Variants in ANKRD30B observed in about 807,000 individuals in gnomAD.
ANKRD30B encodes the protein ankyrin repeat domain 30B, also known as ankyrin repeat domain-containing protein 30B.
In ANKRD30B, 144 loss-of-function variants were observed where a neutral mutation model predicts 202.2. The observed-to-expected ratio is 0.71, with a 90% CI of 0.62 to 0.82. The LOEUF (loss-of-function observed/expected upper bound fraction) is 0.82. ANKRD30B is among the 40% of genes least tolerant of loss of function. ANKRD30B has a pLI of 0.00. For synonymous variants in ANKRD30B, 508 were observed against 561.3 expected (o/e 0.91, Z 1.34); for missense variants, 1,487 against 1,669.1 (o/e 0.89, Z 1.90).
At chr18:14,776,691 T>G (rs754024251) in intron 9 of ANKRD30B, among the ~76,000 whole-genome samples, 3 of 152,200 alleles carry the variant, frequency 2.0e-5, no homozygotes, top group Non-Finnish European at 2.9e-5. Flanking sequence ...ACGTTTTTAT[T>G]TTTCTCTTTT....
chr18:14,804,900 G>T (rs1162230327), intron 24 of ANKRD30B, among the ~76,000 whole-genome samples: 1 of 150,714 alleles, frequency 6.6e-6, no homozygotes, highest in Non-Finnish European at 1.5e-5. Flanking sequence ...TTTGGATTTT[G>T]TATGAAGGAA....
At position 14,827,080 on chromosome 18, in the gene ANKRD30B, G is replaced by C. The variant is rs565836224; in HGVS notation, c.2744-1198G>C. Among the ~76,000 whole-genome samples, 10 of 152,164 alleles carry C rather than the reference G, an allele frequency of 6.6e-5. No homozygotes were observed. The South Asian group carries it at 1.2e-3, about 19-fold the overall frequency. Reference sequence around the variant, plus strand: ...GGTAGGAGTTGTCATGTGGTGTTAGGCTACTAATTATTTCTTGCTGTCTGA... The same window carrying C: ...GGTAGGAGTTGTCATGTGGTGTTAGCCTACTAATTATTTCTTGCTGTCTGA... On this transcript the variant is annotated intron_variant, in intron 32 of 43. Coordinates refer to ENST00000690538, the MANE Select transcript of ANKRD30B (RefSeq NM_001367607.2).
Position 14,769,343 on chromosome 18 carries a change from T to C in ANKRD30B, c.1226T>C (p.Val409Ala). Residue 409 changes from valine to alanine, a missense_variant and splice_region_variant, in exon 8 of 44, where the codon GTG becomes GCG. By Grantham distance (64) the Val-to-Ala change is moderately conservative. Around this residue, in one of 6 missense-constraint regions of ANKRD30B, gnomAD observed 889 missense variants for 841.4 expected, o/e 1.06. Coordinates refer to ENST00000690538, the MANE Select transcript of ANKRD30B (RefSeq NM_001367607.2). The stretch of plus-strand genomic sequence containing the variant: ...GTATTTTACTTTTTTTCTTTAATAG[T>C]GGATGTGAGTTCTGTAGAGCCTATA... ...KETSTKASTNVDVSSVEPIFS... is the reference protein window; with the variant it reads ...KETSTKASTNADVSSVEPIFS... 3 of 1,540,764 alleles carry C rather than the reference T, an allele frequency of 1.9e-6. No homozygotes were observed. The highest frequency in any genetic ancestry group is 1.2e-5 in the South Asian group (1 of 82,646).
chr18:14,826,733 A>G (rs1970686232), intron 32 of ANKRD30B, among the ~76,000 whole-genome samples: 1 of 151,308 alleles, frequency 6.6e-6, no homozygotes, highest in Non-Finnish European at 1.5e-5. Flanking sequence ...ACACAAGTAC[A>G]GTAATTCATC....
chr18:14,920,990 G>T, the ANKRD30B span, among the ~76,000 whole-genome samples: 47 of 152,274 alleles, frequency 3.1e-4, 2 homozygotes, highest in East Asian at 8.9e-3. Flanking sequence ...TGACATTCTT[G>T]GCTCTGTGGA....
chr18:14,925,740 C>G, the ANKRD30B span, among the ~76,000 whole-genome samples: 7 of 152,158 alleles, frequency 4.6e-5, no homozygotes, highest in Non-Finnish European at 1.0e-4. Context: ...CCAGGTGTCT[C>G]AGTGCAGGAA....
At chr18:14,754,243 G>C (rs9676208) in intron 3 of ANKRD30B, among the ~76,000 whole-genome samples, 1,737 of 152,224 alleles carry the variant, frequency 0.011, 30 homozygotes, top group African/African-American at 0.04. Context: ...ATAGAATCAA[G>C]AGAGTTTGTA....
the ANKRD30B span, among the ~76,000 whole-genome samples, chr18:14,893,740 T>C: frequency 1.3e-5 from 2 of 151,832 alleles, no homozygotes; most frequent in East Asian, 3.9e-4. Flanking sequence ...TATAAGTTAA[T>C]TATACTTGGT....
chr18:14,819,080 A>T (rs370558238), intron 30 of ANKRD30B, among the ~76,000 whole-genome samples: 8 of 151,866 alleles, frequency 5.3e-5, no homozygotes, highest in Non-Finnish European at 1.0e-4. Flanking sequence ...GGTATCTCAT[A>T]GTGGTTTTGA....
chr18:14,831,166 C>T (rs1338038909), intron 33 of ANKRD30B, among the ~76,000 whole-genome samples: 2 of 107,966 alleles, frequency 1.9e-5, no homozygotes, highest in Admixed American at 2.4e-4. Flanking sequence ...GGCGACAGAG[C>T]GAGACTCCGT....
In ANKRD30B at chr18:14,782,619, G is replaced by A; in HGVS notation, c.1570+5G>A. 6.5e-7 allele frequency: 1 copy of A among 1,546,562 alleles called. No homozygotes were observed. The highest frequency in any genetic ancestry group is 8.7e-7 in the Non-Finnish European group (1 of 1,147,038). ...AGATAAATAGAGAAGTAGAAGGTAA[G>A]AACAACTTTTTATTTGAAAAGTCTT... On this transcript the variant is annotated splice_donor_5th_base_variant and intron_variant, in intron 12 of 43. Coordinates refer to ENST00000690538, the MANE Select transcript of ANKRD30B (RefSeq NM_001367607.2).
chr18:14,916,384 C>CA, the ANKRD30B span, among the ~76,000 whole-genome samples: 1 of 152,214 alleles, frequency 6.6e-6, no homozygotes, highest in Non-Finnish European at 1.5e-5. Context: ...TTACCAAGTA[C>CA]TGAGCCTTGA....
chr18:14,868,628 G>A, the ANKRD30B span, among the ~76,000 whole-genome samples: 45 of 149,724 alleles, frequency 3.0e-4, no homozygotes, highest in East Asian at 2.7e-3. Context: ...GGCACCCTTT[G>A]GGCCACCTAG....
At chr18:14,894,705 T>C in the ANKRD30B span, among the ~76,000 whole-genome samples, 1 of 151,524 alleles carries the variant, frequency 6.6e-6, no homozygotes, top group Admixed American at 6.6e-5. Context: ...TATGATTTTC[T>C]GTCAAGCCTG....
Position 14,769,421 on chromosome 18 carries a change from T to G in ANKRD30B, c.1256+48T>G, listed in dbSNP as rs71364853. On this transcript the variant is annotated intron_variant, in intron 8 of 43. Transcript: ENST00000690538. The stretch of plus-strand genomic sequence containing the variant: ...AACGAATAGGTTAACTCAGAAAACA[T>G]AGAGAAAAGAAATCACTATCTGCTG... 4.8e-3 allele frequency: 6,987 copies of G among 1,452,606 alleles called. 25 individuals are homozygous for G. Among genetic ancestry groups the G allele is most frequent in the Admixed American group, 5.8e-3 (283 of 48,612 alleles). The allele number at this position is 1,452,606 out of a possible 1,614,324, so 90.0% of individuals were successfully genotyped here.
chr18:14,905,005 GCTGGTCAAGA>G, the ANKRD30B span, among the ~76,000 whole-genome samples: 4 of 152,182 alleles, frequency 2.6e-5, no homozygotes, highest in African/African-American at 7.2e-5. Context: ...CAGTAGAGAA[GCTGGTCAAGA>G]CCCCCGAAAA....
the ANKRD30B span, among the ~76,000 whole-genome samples, chr18:14,898,965 A>T: frequency 6.6e-6 from 1 of 152,208 alleles, no homozygotes; most frequent in Non-Finnish European, 1.5e-5. Flanking sequence ...TATCTCAGCA[A>T]GAACTGGACT....
chr18:14,762,905 A>G (rs1046252938), intron 6 of ANKRD30B, among the ~76,000 whole-genome samples: 9 of 152,176 alleles, frequency 5.9e-5, no homozygotes, highest in African/African-American at 2.2e-4. Context: ...CTCATAATAC[A>G]GAAGAGCTGT....
At chr18:14,847,664 T>A (rs2143240525) in intron 39 of ANKRD30B, among the ~76,000 whole-genome samples, 1 of 151,408 alleles carries the variant, frequency 6.6e-6, no homozygotes, top group South Asian at 2.1e-4. Flanking sequence ...TAGAATAGAG[T>A]TGAGTTACTT....
Sources: gnomAD v4.1 joint callset for allele counts (sites outside exome capture counted in the v4.1 genomes callset) on GRCh38, gnomAD v4.1.1 for gene constraint, gnomAD v4.1.1 regional missense constraint, MANE v1.5 for transcripts, NCBI Gene and HGNC (gene_info 2026-07-23, HGNC 2026-07-21) for gene names.